Variants in NRXN1 observed in about 807,000 individuals in gnomAD.
NRXN1 encodes neurexin 1.
In NRXN1, 39 loss-of-function variants were observed where a neutral mutation model predicts 150.9. The observed-to-expected ratio is 0.26, with a 90% CI of 0.20 to 0.34. NRXN1 has a LOEUF of 0.34. NRXN1 is among the 10% of genes least tolerant of loss of function. NRXN1 has a pLI of 1.00. For missense variants in NRXN1, 1,815 were observed against 1,949.9 expected (o/e 0.93, Z 1.30); for synonymous variants, 924 against 757.0 (o/e 1.22, Z -3.62).
At chr2:50,211,768 T>C (rs1272840064) in intron 18 of NRXN1, among the ~76,000 whole-genome samples, 1 of 151,530 alleles carries the variant, frequency 6.6e-6, no homozygotes, top group African/African-American at 2.4e-5. Context: ...ATTACACTCT[T>C]GGTTATAAAT....
chr2:50,975,323 C>T (rs1695648724), intron 2 of NRXN1, among the ~76,000 whole-genome samples: 1 of 152,022 alleles, frequency 6.6e-6, no homozygotes, highest in South Asian at 2.1e-4. Context: ...GATCAAGAGT[C>T]CAAAAAGTTT....
chr2:50,757,170 C>T (rs897226692), intron 5 of NRXN1, among the ~76,000 whole-genome samples: 3 of 151,766 alleles, frequency 2.0e-5, no homozygotes, highest in African/African-American at 7.3e-5. Flanking sequence ...TAGTATCCAA[C>T]TACAGAATTC....
chr2:50,298,976 T>C (rs930046145), intron 17 of NRXN1, among the ~76,000 whole-genome samples: 2 of 152,274 alleles, frequency 1.3e-5, no homozygotes, highest in East Asian at 1.9e-4. Context: ...CTTCCATAGA[T>C]ACGAAATTTT....
chr2:49,955,420 A>G (rs182346619), intron 21 of NRXN1, among the ~76,000 whole-genome samples: 1 of 152,138 alleles, frequency 6.6e-6, no homozygotes, highest in African/African-American at 2.4e-5. Flanking sequence ...GTAGAGAAAT[A>G]GCAAAAAGTG....
chr2:50,155,662 A>G (rs1327274330), intron 18 of NRXN1, among the ~76,000 whole-genome samples: 2 of 151,722 alleles, frequency 1.3e-5, no homozygotes, highest in Admixed American at 6.6e-5. Flanking sequence ...TTTAATAAAT[A>G]CATGATGCAT....
At chr2:50,656,627 C>T (rs1195914115) in intron 5 of NRXN1, among the ~76,000 whole-genome samples, 3 of 151,796 alleles carry the variant, frequency 2.0e-5, no homozygotes, top group East Asian at 1.9e-4. Context: ...ACAGGAATTC[C>T]GTTTGTACCA....
At chr2:50,181,954 A>G (rs1214566046) in intron 18 of NRXN1, among the ~76,000 whole-genome samples, 1 of 152,018 alleles carries the variant, frequency 6.6e-6, no homozygotes, top group African/African-American at 2.4e-5. Flanking sequence ...CTTAACACAC[A>G]GTCCTAGGAG....
chr2:50,782,369 C>A, intron 5 of NRXN1, among the ~76,000 whole-genome samples: 1 of 151,906 alleles, frequency 6.6e-6, no homozygotes, highest in African/African-American at 2.4e-5. Context: ...ACTCGGGAGG[C>A]TGAGGCAGGA....
intron 5 of NRXN1, among the ~76,000 whole-genome samples, chr2:50,678,837 A>C (rs891578718): frequency 2.6e-5 from 4 of 152,116 alleles, no homozygotes; most frequent in African/African-American, 9.7e-5. Flanking sequence ...AAGATGATTG[A>C]GCAGAGCAAA....
intron 5 of NRXN1, among the ~76,000 whole-genome samples, chr2:50,662,949 G>C (rs1390696202): frequency 6.6e-6 from 1 of 151,994 alleles, no homozygotes; most frequent in Non-Finnish European, 1.5e-5. Context: ...TCATTTATTT[G>C]ACCTGGCAAG....
At chr2:50,172,039 G>A (rs983201600) in intron 18 of NRXN1, among the ~76,000 whole-genome samples, 1 of 152,130 alleles carries the variant, frequency 6.6e-6, no homozygotes, top group Non-Finnish European at 1.5e-5. Flanking sequence ...AGAGAATTCA[G>A]TACCTATTTA....
rs370094694 is a variant in NRXN1, at chr2:50,904,550, C to T, written c.832+17319G>A. On this transcript the variant is annotated intron_variant, in intron 5 of 22. Coordinates refer to ENST00000401669, the MANE Select transcript of NRXN1 (RefSeq NM_001330078.2). ...CTGCTGATGCAATACAAGGAATGTC[C>T]TTTTCTGTGCTAGAGCTAACTCTCC... Among the ~76,000 whole-genome samples the T allele has an allele frequency of 6.6e-5, 10 of 152,178 alleles. No homozygotes were observed. In the East Asian group the frequency reaches 1.7e-3, roughly 27 times the overall value.
At chr2:50,872,370 G>T (rs1428183506) in intron 5 of NRXN1, among the ~76,000 whole-genome samples, 2 of 151,728 alleles carry the variant, frequency 1.3e-5, no homozygotes, top group Admixed American at 1.3e-4. Context: ...TTGTTGAGCT[G>T]AGGGTTGAGG....
intron 8 of NRXN1, among the ~76,000 whole-genome samples, chr2:50,597,246 A>G (rs1472089054): frequency 6.6e-6 from 1 of 152,144 alleles, no homozygotes; most frequent in Non-Finnish European, 1.5e-5. Flanking sequence ...TAGCTAGCTC[A>G]GAAGAGACTG....
At chr2:50,887,517 A>G (rs983054917) in intron 5 of NRXN1, among the ~76,000 whole-genome samples, 1 of 151,420 alleles carries the variant, frequency 6.6e-6, no homozygotes, top group African/African-American at 2.4e-5. Context: ...AAGCTTTGAG[A>G]AAATGGCTCC....
chr2:49,996,897 C>G (rs1335046786), intron 21 of NRXN1, among the ~76,000 whole-genome samples: 2 of 152,186 alleles, frequency 1.3e-5, no homozygotes. Flanking sequence ...TTTGAATATA[C>G]TACATCTTAG....
intron 17 of NRXN1, among the ~76,000 whole-genome samples, chr2:50,435,044 A>C (rs758785867): frequency 6.6e-6 from 1 of 152,228 alleles, no homozygotes; most frequent in African/African-American, 2.4e-5. Context: ...AACATATTGA[A>C]CTATGTATAT....
chr2:50,242,062 T>C (rs1011062511), intron 17 of NRXN1, among the ~76,000 whole-genome samples: 8 of 151,842 alleles, frequency 5.3e-5, no homozygotes, highest in Non-Finnish European at 1.0e-4. Flanking sequence ...AAATGTCATC[T>C]TGTAGCCAAC....
chr2:50,169,309 C>T (rs2059874758), intron 18 of NRXN1, among the ~76,000 whole-genome samples: 1 of 152,084 alleles, frequency 6.6e-6, no homozygotes, highest in Non-Finnish European at 1.5e-5. Context: ...TGTAAAGTGG[C>T]CCATGAGAAC....
Sources: gnomAD v4.1 joint callset for allele counts (sites outside exome capture counted in the v4.1 genomes callset) on GRCh38, gnomAD v4.1.1 for gene constraint, MANE v1.5 for transcripts, NCBI Gene and HGNC (gene_info 2026-07-23, HGNC 2026-07-21) for gene names.